Variants in TTC3 observed in about 807,000 individuals in gnomAD.
TTC3 encodes the protein E3 ubiquitin-protein ligase TTC3.
A neutral mutation model predicts 249.6 loss-of-function variants in TTC3; 180 were observed. The ratio of observed to expected loss-of-function variants is 0.72; its 90% CI spans 0.64 to 0.82. TTC3 has a LOEUF of 0.82. Ranked by LOEUF, TTC3 falls within the 40% of genes least tolerant of loss-of-function variation. The pLI, the probability that TTC3 is intolerant of heterozygous loss-of-function variation, is 0.00. For missense variants in TTC3, 2,061 were observed against 2,398.4 expected, an observed-to-expected ratio of 0.86 and a Z score of 2.94; for synonymous variants, 717 against 805.0, an observed-to-expected ratio of 0.89 and a Z score of 1.85.
intron 39 of TTC3, among the ~76,000 whole-genome samples, chr21:37,189,393 G>A (rs1274381071): frequency 6.6e-6 from 1 of 151,452 alleles, no homozygotes; most frequent in Admixed American, 6.6e-5. Flanking sequence ...TTACAGGCGC[G>A]TGCCACATGC....
At chr21:37,128,957 G>C in intron 15 of TTC3, 46 bp from the exon 16 acceptor site, 1 of 1,424,602 alleles carries the variant, frequency 7.0e-7, no homozygotes, top group Non-Finnish European at 9.5e-7. Context: ...CAGGCTTGTA[G>C]ATTTTTATGT....
At position 37,164,235 on chromosome 21, in the gene TTC3, T is replaced by C. The variant is rs1055768738; in HGVS notation, c.3335+20T>C. The C allele has an allele frequency of 4.5e-6, 7 of 1,545,676 alleles. No homozygotes were observed. Among genetic ancestry groups the C allele is most frequent in the Non-Finnish European group, 6.1e-6 (7 of 1,144,040 alleles). The stretch of plus-strand genomic sequence containing the variant: ...ATATGAGTAAGTGGGTTGAAATTTT[T>C]ACAACCATTATTTTATACTAAGGCT... On this transcript the variant is annotated intron_variant, in intron 32 of 45. Coordinates refer to ENST00000355666, the Ensembl canonical transcript of TTC3.
intron 24 of TTC3, among the ~76,000 whole-genome samples, chr21:37,150,591 A>G (rs1248572165): frequency 6.6e-6 from 1 of 151,962 alleles, no homozygotes; most frequent in Non-Finnish European, 1.5e-5. Context: ...TCGTCTGCTT[A>G]CTCTTAATTT....
chr21:37,115,176 T>TAATAATAATAAC (rs2076030734), intron 11 of TTC3, among the ~76,000 whole-genome samples: 3 of 146,644 alleles, frequency 2.0e-5, no homozygotes, highest in African/African-American at 7.5e-5. Flanking sequence ...ACTTAAAGTA[T>TAATAATAATAAC]AATAATAATA....
At chr21:37,166,503 A>T in exon 33 of TTC3, 3 of 1,614,198 alleles carry the variant, frequency 1.9e-6, no homozygotes, top group Non-Finnish European at 2.5e-6. Flanking sequence ...GTCCTGAGTG[A>T]GTCTAACAGA....
At chr21:37,160,779 T>C (rs1375290351) in intron 29 of TTC3, 23 bp from the exon 30 acceptor site, 2 of 1,612,140 alleles carry the variant, frequency 1.2e-6, no homozygotes, top group Admixed American at 1.7e-5. Context: ...GAGTGTTCAC[T>C]GATTTTTCCC....
intron 35 of TTC3, among the ~76,000 whole-genome samples, chr21:37,175,597 CAAA>C (rs1175943574): frequency 4.7e-5 from 2 of 42,848 alleles, no homozygotes; most frequent in African/African-American, 8.3e-5. Flanking sequence ...GACTCCATCT[CAAA>C]AAAAAAAAAA....
At chr21:37,082,713 T>TG (rs1052677215) in intron 1 of TTC3, 100 of 980,264 alleles carry the variant, frequency 1.0e-4, no homozygotes, top group Middle Eastern at 5.2e-4. Flanking sequence ...ATCCAAAAAG[T>TG]GTTTTTTTTT....
chr21:37,167,611 G>A lies in TTC3; in HGVS notation c.4458G>A (p.Glu1486=), dbSNP rs771715486. 4 of 1,608,882 alleles carry A rather than the reference G, an allele frequency of 2.5e-6. No homozygotes were observed. In the Admixed American group the frequency reaches 6.7e-5, roughly 27 times the overall value. Residue 1486 remains glutamate, a synonymous_variant, in exon 34 of 46, where the codon GAG becomes GAA. Coordinates refer to ENST00000355666, the Ensembl canonical transcript of TTC3. Reference sequence around the variant, plus strand: ...ATACTGAGCCATATAATCCTTTTGAGGAACGACAAGTGAGTCAAAATTACA... The same window carrying A: ...ATACTGAGCCATATAATCCTTTTGAAGAACGACAAGTGAGTCAAAATTACA...
intron 37 of TTC3, 128 bp from the exon 38 acceptor site, chr21:37,186,921 A>T (rs534955163): frequency 1.7e-6 from 1 of 573,600 alleles, no homozygotes; most frequent in African/African-American, 1.9e-5. Flanking sequence ...ATGAGATGAG[A>T]AACTGCTCTG....
At chr21:37,082,064 A>G (rs2071761759) in intron 1 of TTC3, 2 of 151,798 alleles carry the variant, frequency 1.3e-5, no homozygotes, top group Non-Finnish European at 2.9e-5. Context: ...ACGGGGTTTC[A>G]CCGTGTTACC....
chr21:37,146,999 A>G (rs2079040124), intron 21 of TTC3, among the ~76,000 whole-genome samples: 1 of 152,172 alleles, frequency 6.6e-6, no homozygotes, highest in Admixed American at 6.5e-5. Flanking sequence ...CTTCATTAGC[A>G]GTGGAATAAT....
chr21:37,152,189 T>C lies in TTC3; in HGVS notation c.2413+160T>C, dbSNP rs546655912. ...TGTCTTCTGTTACTCGAAGACAGAA[T>C]TGGGTTGGTGTAAAGAACACTGAAA... On this transcript the variant is annotated intron_variant, in intron 26 of 45. Transcript: ENST00000355666. Among the ~76,000 whole-genome samples the C allele has an allele frequency of 5.9e-5, 9 of 151,886 alleles. No homozygotes were observed. In the South Asian group the frequency reaches 1.9e-3, roughly 32 times the overall value.
intron 10 of TTC3, among the ~76,000 whole-genome samples, chr21:37,107,548 C>A (rs570648061): frequency 6.6e-6 from 1 of 152,210 alleles, no homozygotes; most frequent in African/African-American, 2.4e-5. Context: ...TTAATATCTA[C>A]CTCAGAACAG....
At chr21:37,148,831 C>T (rs1479373460) in intron 23 of TTC3, among the ~76,000 whole-genome samples, 184 bp downstream of exon 23, 1 of 152,020 alleles carries the variant, frequency 6.6e-6, no homozygotes, top group Non-Finnish European at 1.5e-5. Context: ...ACCATAGAGG[C>T]TTTGTTTTTT....
intron 44 of TTC3, among the ~76,000 whole-genome samples, chr21:37,198,701 T>C (rs568390006): frequency 5.9e-5 from 9 of 152,330 alleles, no homozygotes; most frequent in Non-Finnish European, 1.2e-4. Context: ...AAAAAGGGCA[T>C]TTAAAAACCC....
intron 22 of TTC3, among the ~76,000 whole-genome samples, chr21:37,147,918 A>G (rs2079123906): frequency 6.6e-6 from 1 of 152,058 alleles, no homozygotes; most frequent in Non-Finnish European, 1.5e-5. Context: ...TAGTAGAGAC[A>G]GGGTTTCACC....
intron 10 of TTC3, among the ~76,000 whole-genome samples, chr21:37,099,513 A>ATTT (rs2074270031): frequency 6.6e-6 from 1 of 152,256 alleles, no homozygotes; most frequent in African/African-American, 2.4e-5. Flanking sequence ...TGAAAGTCGA[A>ATTT]AAAATTAAAA....
At chr21:37,075,488 G>A (rs186538357) in intron 1 of TTC3, among the ~76,000 whole-genome samples, 2 of 152,304 alleles carry the variant, frequency 1.3e-5, no homozygotes, top group Admixed American at 1.3e-4. Context: ...TATCACAGAA[G>A]CTCTCGAAGT....
Sources: allele counts gnomAD v4.1 joint callset (sites outside exome capture counted in the v4.1 genomes callset), GRCh38; gene constraint gnomAD v4.1.1; transcripts MANE v1.5; gene names NCBI Gene and HGNC (gene_info 2026-07-23, HGNC 2026-07-21).